MIGA1: variants seen among roughly 807,000 people sequenced by gnomAD.
MIGA1 encodes mitoguardin 1, also known as family with sequence similarity 73, member A.
In MIGA1, 58 loss-of-function variants were observed where a neutral mutation model predicts 82.0. The observed-to-expected ratio is 0.71, with a 90% CI of 0.57 to 0.88. The LOEUF (loss-of-function observed/expected upper bound fraction) is 0.88, where lower values mean the gene tolerates loss of function less well. Among genes scored for constraint, MIGA1 ranks in the 40% least tolerant of loss-of-function variants. MIGA1 has a pLI of 0.00. For missense variants in MIGA1, 751 were observed against 749.1 expected (o/e 1.00, Z -0.03); for synonymous variants, 249 against 253.6 (o/e 0.98, Z 0.17).
At chr1:77,874,796 A>G (rs1207375806) in intron 15 of MIGA1, 50 bp from the exon 16 acceptor site, 14 of 1,311,248 alleles carry the variant, frequency 1.1e-5, no homozygotes, top group African/African-American at 4.4e-5. Context: ...AGCTTTCTCA[A>G]TGTAACTTAA....
chr1:77,815,072 T>A (rs762311763), intron 6 of MIGA1, 36 bp from the exon 7 acceptor site: 1 of 1,366,862 alleles, frequency 7.3e-7, no homozygotes, highest in Admixed American at 2.6e-5. Context: ...AACATTAGAA[T>A]TTAATTTGTT....
intron 8 of MIGA1, among the ~76,000 whole-genome samples, chr1:77,858,737 A>G (rs747370759): frequency 1.3e-5 from 2 of 152,004 alleles, no homozygotes; most frequent in Non-Finnish European, 1.5e-5. Context: ...TCCCACCTCA[A>G]TCTCCTGGGT....
At chr1:77,849,136 G>A (rs1422570650) in intron 8 of MIGA1, among the ~76,000 whole-genome samples, 4 of 152,098 alleles carry the variant, frequency 2.6e-5, no homozygotes, top group African/African-American at 7.2e-5. Context: ...GTGGTAGCTC[G>A]TGCCTGTAAT....
chr1:77,870,640 T>TG (rs879387930), intron 14 of MIGA1, among the ~76,000 whole-genome samples: 14 of 148,164 alleles, frequency 9.4e-5, no homozygotes, highest in South Asian at 6.5e-4. Flanking sequence ...TCCTAGACGA[T>TG]GGGGGGCCAG....
In MIGA1 at chr1:77,853,985, A is replaced by G. The variant is rs776483780; in HGVS notation, c.997-4953A>G. ...TGATTTGTGAGACTTTGGTGCACCT[A>G]TCACCTGAGCAGTATATACTGCACC... is the stretch of plus-strand genomic sequence containing the variant. On this transcript the variant is annotated intron_variant, in intron 8 of 15. Coordinates refer to ENST00000370791, the MANE Select transcript of MIGA1 (RefSeq NM_198549.4). 2.1e-5 allele frequency: 4 copies of G among 194,058 alleles called. No individual in the cohort carries two copies. In the South Asian group the frequency reaches 2.9e-4, roughly 14 times the overall value. The allele number at this position is 194,058 out of a possible 1,614,324, so 12.0% of individuals were successfully genotyped here.
At chr1:77,795,333 G>C (rs886793855) in intron 2 of MIGA1, among the ~76,000 whole-genome samples, 1 of 150,106 alleles carries the variant, frequency 6.7e-6, no homozygotes, top group African/African-American at 2.5e-5. Flanking sequence ...TTATTATTTG[G>C]AATATTTTTC....
intron 2 of MIGA1, 120 bp from the exon 3 acceptor site, chr1:77,801,211 G>A: frequency 1.6e-6 from 1 of 633,982 alleles, no homozygotes; most frequent in South Asian, 2.8e-5. Context: ...AGAGTGAAAT[G>A]ATATTCTCTT....
At chr1:77,860,998 TAATA>T (rs902855625) in intron 11 of MIGA1, 9 of 447,860 alleles carry the variant, frequency 2.0e-5, no homozygotes, top group Non-Finnish European at 3.6e-5. Context: ...CATATTTGAG[TAATA>T]AATAGTTTGC....
intron 2 of MIGA1, among the ~76,000 whole-genome samples, chr1:77,797,868 T>C (rs1460955881): frequency 6.6e-6 from 1 of 152,218 alleles, no homozygotes; most frequent in Non-Finnish European, 1.5e-5. Context: ...TCTTTGTAAC[T>C]TTATAGACAG....
intron 8 of MIGA1, chr1:77,848,232 C>T (rs1237056867): frequency 6.8e-5 from 96 of 1,418,324 alleles, no homozygotes; most frequent in Middle Eastern, 1.7e-4. Flanking sequence ...AAACTAAGGG[C>T]GAGGGACCAA....
Position 77,875,006 on chromosome 1 carries a change from G to C in MIGA1, c.1841G>C (p.Cys614Ser), listed in dbSNP as rs1389108095. The change falls in exon 16 of 16, where the codon TGT becomes TCT. Residue 614 changes from cysteine (C) to serine (S), a missense_variant. By Grantham distance (112) the Cys-to-Ser change is moderately radical. Coordinates refer to ENST00000370791, the MANE Select transcript of MIGA1 (RefSeq NM_198549.4). ...GATGCCCTGAGGCATACAAGTAGTT[G>C]TCTAAGCAGTCATGGTCATGTTATG... The C allele has an allele frequency of 2.5e-6, 4 of 1,614,166 alleles. No homozygotes were observed. Among genetic ancestry groups the C allele is most frequent in the Non-Finnish European group, 3.4e-6 (4 of 1,180,036 alleles).
In MIGA1 at chr1:77,866,373, GAA is replaced by G. The variant is rs1163234145; in HGVS notation, c.1548_1549del (p.Arg517ThrfsTer18). On this transcript the variant is annotated frameshift_variant, in exon 14 of 16. Transcript: ENST00000370791. LOFTEE classifies it high-confidence loss of function. ...CAAGTTGTTGGTCGGTGCTGAAACA[GAA>G]AAGACAACAGATGAAGGTAAAATTC... 8 of 1,614,044 alleles carry G rather than the reference GAA, an allele frequency of 5.0e-6. No homozygotes were observed. The highest frequency in any genetic ancestry group is 6.8e-6 in the Non-Finnish European group (8 of 1,179,952).
intron 7 of MIGA1, among the ~76,000 whole-genome samples, chr1:77,817,135 A>AT (rs1683599317): frequency 6.6e-6 from 1 of 151,870 alleles, no homozygotes; most frequent in Non-Finnish European, 1.5e-5. Context: ...GCCTGGGCAC[A>AT]TTTTTTCTAT....
intron 7 of MIGA1, among the ~76,000 whole-genome samples, chr1:77,827,537 C>G (rs1186618438): frequency 6.6e-6 from 1 of 152,080 alleles, no homozygotes; most frequent in Non-Finnish European, 1.5e-5. Flanking sequence ...AAATTAACAA[C>G]ATACTTACCC....
rs1646915413 is a variant in MIGA1, at chr1:77,878,942, A to G, written c.*3878A>G. On this transcript the variant is annotated 3_prime_UTR_variant, in exon 16 of 16. Coordinates refer to ENST00000370791, the MANE Select transcript of MIGA1 (RefSeq NM_198549.4). The stretch of plus-strand genomic sequence containing the variant: ...AAATGCCTTTATAAAAATATTTACA[A>G]ATGTTTTCTTGCCTTAAAATGTAAC... The G allele has an allele frequency of 9.3e-6, 3 of 323,250 alleles. No homozygotes were observed. Among genetic ancestry groups the G allele is most frequent in the Non-Finnish European group, 1.7e-5 (3 of 177,846 alleles). 20.0% of individuals were successfully genotyped at this position (323,250 alleles called of 1,614,324 possible).
In MIGA1 at chr1:77,790,618, T is replaced by C. The variant is rs550844583; in HGVS notation, c.195+7267T>C. ...TTTTTTTTTTGAGACAGAGTTTTGC[T>C]CCTGTTGCCCAGGTAGGAGTGCAAT... On this transcript the variant is annotated intron_variant, in intron 2 of 15. Coordinates refer to ENST00000370791, the MANE Select transcript of MIGA1 (RefSeq NM_198549.4). Among the ~76,000 whole-genome samples the C allele has an allele frequency of 1.0e-4, 15 of 149,482 alleles. No homozygotes were observed. The East Asian group carries it at 2.8e-3, about 27-fold the overall frequency.
chr1:77,814,226 T>C (rs1280011702), intron 6 of MIGA1, among the ~76,000 whole-genome samples: 1 of 152,204 alleles, frequency 6.6e-6, no homozygotes, highest in Non-Finnish European at 1.5e-5. Context: ...GTATTTGCTT[T>C]ATGTGCATTT....
chr1:77,818,690 T>C (rs1045540116), intron 7 of MIGA1, among the ~76,000 whole-genome samples: 17 of 152,050 alleles, frequency 1.1e-4, no homozygotes, highest in Non-Finnish European at 2.4e-4. Context: ...TGTGGGAGGA[T>C]TGCTTGAGCC....
intron 2 of MIGA1, among the ~76,000 whole-genome samples, chr1:77,790,328 G>A (rs1046499250): frequency 6.6e-6 from 1 of 152,080 alleles, no homozygotes; most frequent in East Asian, 1.9e-4. Context: ...GCACAGTGAC[G>A]CAGTCTCAGC....
Sources: gnomAD v4.1 joint callset for allele counts (sites outside exome capture counted in the v4.1 genomes callset) on GRCh38, gnomAD v4.1.1 for gene constraint, MANE v1.5 for transcripts, NCBI Gene and HGNC (gene_info 2026-07-23, HGNC 2026-07-21) for gene names.